Variants in PHAF1 observed in about 807,000 individuals in gnomAD.
PHAF1 encodes the protein phagosome assembly factor 1.
In PHAF1, 23 loss-of-function variants were observed where a neutral mutation model predicts 63.1. The observed-to-expected ratio is 0.36, with a 90% confidence interval of 0.26 to 0.52. The LOEUF (loss-of-function observed/expected upper bound fraction) is 0.52, where lower values mean the gene tolerates loss of function less well. Among genes scored for constraint, PHAF1 ranks in the 20% least tolerant of loss-of-function variants. The pLI is 0.93. For synonymous variants in PHAF1, 167 were observed against 185.0 expected, an observed-to-expected ratio of 0.90 and a Z score of 0.79; for missense variants, 427 against 517.2, an observed-to-expected ratio of 0.83 and a Z score of 1.69.
chr16:67,146,910 C>T (rs555743895), intron 15 of PHAF1, 135 bp from the exon 16 acceptor site: 2 of 794,076 alleles, frequency 2.5e-6, no homozygotes, highest in African/African-American at 3.4e-5. Context: ...TTAGCATGAA[C>T]CAGGGGAGGT....
intron 3 of PHAF1, among the ~76,000 whole-genome samples, chr16:67,129,892 C>T (rs1256944983): frequency 1.3e-5 from 2 of 152,184 alleles, no homozygotes; most frequent in African/African-American, 4.8e-5. Flanking sequence ...GGTCCTGAGG[C>T]TTTCTTGTTT....
rs562213918 is a variant in PHAF1, at chr16:67,121,686, T to A, written c.147+1492T>A. 6.6e-5 allele frequency among the ~76,000 whole-genome samples: 10 copies of A among 151,678 alleles called. No homozygotes were observed. The East Asian group carries it at 1.7e-3, about 26-fold the overall frequency. ...ACCTGCGCCTCCCGAGTTCAAGCGATTCTCCTGCCTCAGCCTCCCGAGTAG... is the reference window on the plus strand; with the variant it reads ...ACCTGCGCCTCCCGAGTTCAAGCGAATCTCCTGCCTCAGCCTCCCGAGTAG... On this transcript the variant is annotated intron_variant, in intron 2 of 15. Transcript: ENST00000219139.
In PHAF1 at chr16:67,125,088, G is replaced by A. The variant is rs148420149; in HGVS notation, c.148-871G>A. 2.1e-3 allele frequency among the ~76,000 whole-genome samples: 317 copies of A among 152,234 alleles called. 1 individual carries two copies. The highest frequency in any genetic ancestry group is 7.2e-3 in the African/African-American group (297 of 41,532). ...GCATGCAGATGGGGCAGACACAAGA[G>A]GAGAGTGCTGTGTGCCAGGTATTGG... On this transcript the variant is annotated intron_variant, in intron 2 of 15. Coordinates refer to ENST00000219139, the MANE Select transcript of PHAF1 (RefSeq NM_025187.5).
At chr16:67,124,753 G>A (rs1055327530) in intron 2 of PHAF1, among the ~76,000 whole-genome samples, 6 of 151,834 alleles carry the variant, frequency 4.0e-5, no homozygotes, top group Non-Finnish European at 8.8e-5. Flanking sequence ...AATACAAAAA[G>A]TCAGCCGGGC....
chr16:67,118,877 C>G (rs1962863822), intron 1 of PHAF1, among the ~76,000 whole-genome samples: 1 of 148,856 alleles, frequency 6.7e-6, no homozygotes, highest in South Asian at 2.1e-4. Flanking sequence ...TGGGCCGAAG[C>G]AATCCTCTCA....
intron 3 of PHAF1, among the ~76,000 whole-genome samples, chr16:67,128,815 T>C (rs1963284958): frequency 6.6e-6 from 1 of 152,212 alleles, no homozygotes; most frequent in South Asian, 2.1e-4. Context: ...CAAGTGCTGC[T>C]TCGTGCCCTG....
chr16:67,144,219 G>T, intron 10 of PHAF1, 75 bp from the exon 11 acceptor site: 1 of 1,052,654 alleles, frequency 9.5e-7, no homozygotes, highest in Non-Finnish European at 1.5e-6. Context: ...GTCCCAAGTT[G>T]GACATGCCTT....
At chr16:67,114,841 A>G (rs1479776218) in intron 1 of PHAF1, among the ~76,000 whole-genome samples, 1 of 152,194 alleles carries the variant, frequency 6.6e-6, no homozygotes, top group Non-Finnish European at 1.5e-5. Flanking sequence ...AGAAGGAGGA[A>G]TCTAGAGGTT....
At chr16:67,134,322 C>G in intron 7 of PHAF1, 33 bp from the exon 8 acceptor site, 1 of 1,608,310 alleles carries the variant, frequency 6.2e-7, no homozygotes, top group Non-Finnish European at 8.5e-7. Context: ...GGAGAAAGAA[C>G]CAAGCCTCTG....
chr16:67,111,800 T>C (rs1160684240), intron 1 of PHAF1, among the ~76,000 whole-genome samples: 1 of 152,162 alleles, frequency 6.6e-6, no homozygotes, highest in Non-Finnish European at 1.5e-5. Context: ...ATTTTTGTAT[T>C]TTTAGTAGAG....
Position 67,145,368 on chromosome 16 carries a change from CTT to C in PHAF1, c.1007-5_1007-4del. ...CTACAAATCTGCCCCACTGTCTTCT[CTT>C]TTCAGAAAACGCAGATGGTCAGACA... On this transcript the variant is annotated splice_polypyrimidine_tract_variant and splice_region_variant and intron_variant, in intron 12 of 15. Coordinates refer to ENST00000219139, the MANE Select transcript of PHAF1 (RefSeq NM_025187.5). 1 of 1,614,106 alleles carries C rather than the reference CTT, an allele frequency of 6.2e-7. No individual in the cohort carries two copies.
At chr16:67,146,391 TGCTGGTC>T in intron 15 of PHAF1, 41 bp downstream of exon 15, 2 of 1,580,384 alleles carry the variant, frequency 1.3e-6, no homozygotes, top group Non-Finnish European at 1.7e-6. Flanking sequence ...CCTGGGGGGT[TGCTGGTC>T]ATGGCAGGGC....
chr16:67,118,113 C>T (rs752367169), intron 1 of PHAF1, among the ~76,000 whole-genome samples: 3 of 148,442 alleles, frequency 2.0e-5, no homozygotes, highest in African/African-American at 5.0e-5. Flanking sequence ...CCCGCCACCA[C>T]GCCCGGCTAA....
intron 3 of PHAF1, among the ~76,000 whole-genome samples, chr16:67,130,097 G>C (rs1036609054): frequency 3.4e-5 from 5 of 149,246 alleles, no homozygotes; most frequent in African/African-American, 1.2e-4. Flanking sequence ...CCCAGGCTGG[G>C]GTGCAGTGGC....
At chr16:67,126,112 C>CT in intron 3 of PHAF1, 70 bp downstream of exon 3, 1 of 1,188,842 alleles carries the variant, frequency 8.4e-7, no homozygotes, top group Non-Finnish European at 1.2e-6. Context: ...TTAGTATGTG[C>CT]TATTGTGAGA....
chr16:67,134,499 C>T (rs143610025), intron 8 of PHAF1, 32 bp downstream of exon 8: 67 of 1,515,858 alleles, frequency 4.4e-5, no homozygotes, highest in South Asian at 2.5e-4. Flanking sequence ...TGGTACATTC[C>T]GCATTATACC....
intron 10 of PHAF1, among the ~76,000 whole-genome samples, chr16:67,142,453 G>A (rs374448454): frequency 6.6e-6 from 1 of 152,242 alleles, no homozygotes; most frequent in South Asian, 2.1e-4. Flanking sequence ...TTCTGCCCAG[G>A]AGCCCTTCTG....
chr16:67,110,114 C>T lies in PHAF1; in HGVS notation c.-62C>T. ...GGCCTGTCAGCCGCTGCTTTGTCTCCTTAGCTCGGGTCCCTTCTGCGCTGC... is the reference window on the plus strand; with the variant it reads ...GGCCTGTCAGCCGCTGCTTTGTCTCTTTAGCTCGGGTCCCTTCTGCGCTGC... On this transcript the variant is annotated 5_prime_UTR_variant, in exon 1 of 16. Coordinates refer to ENST00000219139, the MANE Select transcript of PHAF1 (RefSeq NM_025187.5). The T allele has an allele frequency of 6.5e-7, 1 of 1,535,336 alleles. No individual in the cohort carries two copies. The highest frequency in any genetic ancestry group is 2.4e-5 in the East Asian group (1 of 40,838).
At chr16:67,132,584 G>A (rs1258854881) in intron 5 of PHAF1, 59 bp downstream of exon 5, 1 of 1,521,782 alleles carries the variant, frequency 6.6e-7, no homozygotes, top group Admixed American at 1.7e-5. Context: ...CAATAAACCT[G>A]CCCGGTAGTG....
Sources: gnomAD v4.1 joint callset for allele counts (sites outside exome capture counted in the v4.1 genomes callset) on GRCh38, gnomAD v4.1.1 for gene constraint, MANE v1.5 for transcripts, NCBI Gene and HGNC (gene_info 2026-07-23, HGNC 2026-07-21) for gene names.